The following PDLIM4 variants were observed in gnomAD, a reference collection of about 807,000 sequenced individuals.
The protein encoded by PDLIM4 is PDZ and LIM domain 4.
PDLIM4 carries 19 observed loss-of-function variants against 31.3 expected under a neutral mutation model. That is an observed-to-expected ratio of 0.61 (90% CI 0.42 to 0.89). The LOEUF is 0.89. PDLIM4 is among the 40% of genes least tolerant of loss of function. PDLIM4 has a pLI of 0.00. For synonymous variants in PDLIM4, 176 were observed against 190.1 expected (o/e 0.93, Z 0.61); for missense variants, 442 against 461.1 (o/e 0.96, Z 0.38).
intron 1 of PDLIM4, among the ~76,000 whole-genome samples, chr5:132,261,921 G>T (rs1756384488): frequency 6.6e-6 from 1 of 152,190 alleles, no homozygotes; most frequent in Admixed American, 6.5e-5. Context: ...AGGTGGTCAT[G>T]GGAGCACACT....
intron 3 of PDLIM4, chr5:132,266,830 A>C: frequency 3.2e-6 from 1 of 310,480 alleles, no homozygotes. Context: ...TGCGGCTATC[A>C]CACAGCCAGC....
Position 132,270,903 on chromosome 5 carries a change from T to G in PDLIM4, c.328-12T>G. ...AGAGGGTCTCCCAGTGCCTTAGGCCTCTCTCTAATAGGACGGCAGCCCAAC... is the reference window on the plus strand; with the variant it reads ...AGAGGGTCTCCCAGTGCCTTAGGCCGCTCTCTAATAGGACGGCAGCCCAAC... On this transcript the variant is annotated splice_polypyrimidine_tract_variant and intron_variant, in intron 3 of 6. Coordinates refer to ENST00000253754, the MANE Select transcript of PDLIM4 (RefSeq NM_003687.4). 6.2e-7 allele frequency: 1 copy of G among 1,613,302 alleles called. No individual in the cohort carries two copies.
At position 132,261,223 on chromosome 5, in the gene PDLIM4, C is replaced by G. The variant is rs1343092839; in HGVS notation, c.94-1386C>G. ...GATGGTGCCAAGTGGGTGTCTCCCCCAGGATGACAGGCTTGCACAGGTGCC... is the reference window on the plus strand; with the variant it reads ...GATGGTGCCAAGTGGGTGTCTCCCCGAGGATGACAGGCTTGCACAGGTGCC... On this transcript the variant is annotated intron_variant, in intron 1 of 6. Transcript: ENST00000253754. Among the ~76,000 whole-genome samples, 3 of 152,184 alleles carry G rather than the reference C, an allele frequency of 2.0e-5. 1 individual carries two copies. The highest frequency in any genetic ancestry group is 2.0e-4 in the Admixed American group (3 of 15,274).
At chr5:132,269,508 G>A (rs1756559308) in intron 3 of PDLIM4, among the ~76,000 whole-genome samples, 2 of 151,382 alleles carry the variant, frequency 1.3e-5, no homozygotes, top group Admixed American at 6.6e-5. Context: ...CATTGATGGG[G>A]GCCACCTGGG....
chr5:132,266,530 C>G lies in PDLIM4; in HGVS notation c.312C>G (p.Ile104Met), dbSNP rs145529462. ...AGGCTCAGGCACACAGGATCCACAT[C>G]GATCCTGAGATCCAGGTATGTACAG... ...DSKAQAHRIH[I>M]DPEIQDGSPT... Residue 104 changes from isoleucine to methionine, a missense_variant, in exon 3 of 7, where the codon ATC becomes ATG. By Grantham distance (10) the Ile-to-Met change is conservative. Transcript: ENST00000253754. 6.2e-7 allele frequency: 1 copy of G among 1,611,054 alleles called. No individual in the cohort carries two copies. The highest frequency in any genetic ancestry group is 1.7e-5 in the Admixed American group (1 of 59,946).
In PDLIM4 at chr5:132,273,442, GC is replaced by G. The variant is rs1756676258; in HGVS notation, c.*1214del. On this transcript the variant is annotated 3_prime_UTR_variant, in exon 7 of 7. Transcript: ENST00000253754. ...CAGTCTGTTAAGTAAAATGTCATAT[GC>G]GTTTGTTTTAATTTGCATTTCTCTG... The G allele has an allele frequency of 6.6e-6, 1 of 152,072 alleles. No homozygotes were observed. The highest frequency in any genetic ancestry group is 2.4e-5 in the African/African-American group (1 of 41,382). The allele number at this position is 152,072 out of a possible 1,614,324, so 9.4% of individuals were successfully genotyped here.
intron 2 of PDLIM4, among the ~76,000 whole-genome samples, chr5:132,265,817 C>T (rs1376631872): frequency 7.2e-5 from 11 of 152,192 alleles, no homozygotes; most frequent in South Asian, 2.1e-4. Flanking sequence ...CGTAGCCTCT[C>T]GGCCTGCCTG....
rs1756674675 is a variant in PDLIM4 at position 132,273,352 on chromosome 5, G to A, written c.*1123G>A. On this transcript the variant is annotated 3_prime_UTR_variant, in exon 7 of 7. Coordinates refer to ENST00000253754, the MANE Select transcript of PDLIM4 (RefSeq NM_003687.4). ...TGTTATCAATTCACATTCATCATCAGCACGAGACCCATTTCCTTGTGCTCC... is the reference window on the plus strand; with the variant it reads ...TGTTATCAATTCACATTCATCATCAACACGAGACCCATTTCCTTGTGCTCC... 1 of 139,364 alleles carries A rather than the reference G, an allele frequency of 7.2e-6. No individual in the cohort carries two copies. 8.6% of individuals were successfully genotyped at this position (139,364 alleles called of 1,614,324 possible).
At chr5:132,258,522 G>A (rs1464778460) in intron 1 of PDLIM4, among the ~76,000 whole-genome samples, 1 of 152,188 alleles carries the variant, frequency 6.6e-6, no homozygotes, top group Non-Finnish European at 1.5e-5. Context: ...CACAGAGAAG[G>A]AAAAGGAGCC....
chr5:132,271,289 T>C lies in PDLIM4; in HGVS notation c.507-14T>C, dbSNP rs1334067440. On this transcript the variant is annotated splice_polypyrimidine_tract_variant and intron_variant, in intron 4 of 6. Coordinates refer to ENST00000253754, the MANE Select transcript of PDLIM4 (RefSeq NM_003687.4). Reference sequence around the variant, plus strand: ...ACTGCATCCCTTCCTCCTCTATTTCTTTCTCCCTCCCAGCGCTGACCCAGC... The same window carrying C: ...ACTGCATCCCTTCCTCCTCTATTTCCTTCTCCCTCCCAGCGCTGACCCAGC... 1 of 1,584,450 alleles carries C rather than the reference T, an allele frequency of 6.3e-7. No homozygotes were observed. Among genetic ancestry groups the C allele is most frequent in the East Asian group, 2.3e-5 (1 of 44,416 alleles).
chr5:132,266,366 G>GCAGGGCACAGCC (rs1756492377), intron 2 of PDLIM4, 98 bp from the exon 3 acceptor site: 1 of 739,336 alleles, frequency 1.4e-6, no homozygotes, highest in African/African-American at 1.7e-5. Flanking sequence ...TCTTCTACCT[G>GCAGGGCACAGCC]CAGGGCACAG....
intron 4 of PDLIM4, 39 bp downstream of exon 4, chr5:132,271,132 A>C: frequency 6.3e-7 from 1 of 1,588,774 alleles, no homozygotes. Context: ...CCCAGAACCC[A>C]TCTTAACCCT....
At chr5:132,261,762 C>A (rs1756378158) in intron 1 of PDLIM4, among the ~76,000 whole-genome samples, 1 of 152,162 alleles carries the variant, frequency 6.6e-6, no homozygotes, top group Non-Finnish European at 1.5e-5. Context: ...GAGTTCCTGT[C>A]CTGCAGGGGA....
At position 132,257,721 on chromosome 5, in the gene PDLIM4, G is replaced by C. The variant is rs888940740; in HGVS notation, c.-14G>C. On this transcript the variant is annotated 5_prime_UTR_variant, in exon 1 of 7. Transcript: ENST00000253754. The surrounding 1 kb of genome is among the most constrained non-coding windows in gnomAD (Gnocchi z 4.3). The stretch of plus-strand genomic sequence containing the variant: ...AGAGTCCGGCTCAGGCTCCGGCTGC[G>C]GCTCCAGCCCGCGATGCCCCATTCC... 3.2e-5 allele frequency: 47 copies of C among 1,454,472 alleles called. No individual in the cohort carries two copies. The highest frequency in any genetic ancestry group is 2.1e-4 in the Admixed American group (9 of 42,778). The allele number at this position is 1,454,472 out of a possible 1,614,324, so 90.1% of individuals were successfully genotyped here.
chr5:132,272,256 T>G lies in PDLIM4; in HGVS notation c.*27T>G, dbSNP rs200959875. The G allele has an allele frequency of 3.4e-5, 54 of 1,569,728 alleles. No individual in the cohort carries two copies. The East Asian group carries it at 1.2e-3, about 35-fold the overall frequency. The stretch of plus-strand genomic sequence containing the variant: ...CTGGGACCCTGCTCCCACGCCTGCT[T>G]CTTAAGGTCCCTGCTCGGCCGGTGT... On this transcript the variant is annotated 3_prime_UTR_variant, in exon 7 of 7. Coordinates refer to ENST00000253754, the MANE Select transcript of PDLIM4 (RefSeq NM_003687.4).
At chr5:132,267,987 C>T (rs920676851) in intron 3 of PDLIM4, among the ~76,000 whole-genome samples, 2 of 152,188 alleles carry the variant, frequency 1.3e-5, no homozygotes, top group African/African-American at 2.4e-5. Flanking sequence ...GCATGAGGCC[C>T]AGCCTCCCTC....
rs544352992 is a variant in PDLIM4 at position 132,262,701 on chromosome 5, C to T, written c.186C>T (p.His62=). ...GTGAGAGCACAGAGCTCATGACACACCTGGAGGCACAGAACCGCATCAAGG... is the reference window on the plus strand; with the variant it reads ...GTGAGAGCACAGAGCTCATGACACATCTGGAGGCACAGAACCGCATCAAGG... ...INGESTELMT[H]LEAQNRIKGC... Residue 62 remains histidine (H), a synonymous_variant, in exon 2 of 7, where the codon CAC becomes CAT. Coordinates refer to ENST00000253754, the MANE Select transcript of PDLIM4 (RefSeq NM_003687.4). 6.5e-5 allele frequency: 105 copies of T among 1,613,592 alleles called. No individual in the cohort carries two copies. The highest frequency in any genetic ancestry group is 8.2e-5 in the Non-Finnish European group (97 of 1,179,812).
Position 132,272,110 on chromosome 5 carries a change from G to A in PDLIM4, c.874G>A (p.Gly292Ser), listed in dbSNP as rs1197014838. Reference protein sequence around the residue: ...SDCGLNLKQRGYFFLDERLYC... With the variant: ...SDCGLNLKQRSYFFLDERLYC... ...CTGCGGCCTGAACCTCAAGCAGCGT[G>A]GTTACTTCTTTCTGGACGAGCGGCT... The change falls in exon 7 of 7, where the codon GGT becomes AGT. Residue 292 changes from glycine to serine, a missense_variant. Physicochemically the swap from Gly to Ser is moderately conservative, Grantham distance 56. Transcript: ENST00000253754. 6.2e-7 allele frequency: 1 copy of A among 1,614,132 alleles called. No homozygotes were observed. The highest frequency in any genetic ancestry group is 8.5e-7 in the Non-Finnish European group (1 of 1,180,036).
chr5:132,265,818 G>A (rs990243618), intron 2 of PDLIM4, among the ~76,000 whole-genome samples: 5 of 152,206 alleles, frequency 3.3e-5, no homozygotes, highest in Non-Finnish European at 7.3e-5. Context: ...GTAGCCTCTC[G>A]GCCTGCCTGC....
Sources: allele counts gnomAD v4.1 joint callset (sites outside exome capture counted in the v4.1 genomes callset), GRCh38; gene constraint gnomAD v4.1.1; non-coding constraint Gnocchi (gnomAD v3.1); transcripts MANE v1.5; gene names NCBI Gene and HGNC (gene_info 2026-07-23, HGNC 2026-07-21).